The following CCNA2 variants were observed in gnomAD, a reference collection of about 807,000 sequenced individuals.
CCNA2 encodes the protein cyclin A2, also known as cyclin-A2.
Under a neutral mutation model 49.4 loss-of-function variants are expected in CCNA2, and 3 were observed. The observed-to-expected ratio is 0.06, with a 90% confidence interval of 0.03 to 0.16. The LOEUF (loss-of-function observed/expected upper bound fraction) is 0.16. Among genes scored for constraint, CCNA2 ranks in the 10% least tolerant of loss-of-function variants. CCNA2 has a pLI of 1.00. For missense variants in CCNA2, 372 were observed against 519.7 expected, an observed-to-expected ratio of 0.72 and a Z score of 2.76; for synonymous variants, 206 against 197.2, an observed-to-expected ratio of 1.04 and a Z score of -0.37.
Position 121,820,783 on chromosome 4 carries a change from T to C in CCNA2, c.571-18A>G. On this transcript the variant is annotated intron_variant, in intron 3 of 7. Transcript: ENST00000274026. This position sits in a 1 kb window ranked among gnomAD's most constrained non-coding sequence, Gnocchi z 4.1. ...CATTTAACCTATTGAGAAAATTATT[T>C]ATAGTGTTAAAATTATTCTAGTGTA... The C allele has an allele frequency of 6.5e-7, 1 of 1,535,284 alleles. No homozygotes were observed.
At chr4:121,822,345 AAT>A in intron 2 of CCNA2, 56 bp downstream of exon 2, 1 of 1,515,712 alleles carries the variant, frequency 6.6e-7, no homozygotes, top group Non-Finnish European at 9.0e-7. Flanking sequence ...GCAAATCATT[AAT>A]ATCATCTAAT....
At chr4:121,822,690 A>T in intron 1 of CCNA2, 44 bp from the exon 2 acceptor site, 1 of 1,591,870 alleles carries the variant, frequency 6.3e-7, no homozygotes, top group Non-Finnish European at 8.5e-7. Context: ...CTAGTCTTGC[A>T]TTCTTTCTCT....
chr4:121,818,483 T>C (rs575393227), intron 6 of CCNA2, among the ~76,000 whole-genome samples: 78 of 152,278 alleles, frequency 5.1e-4, no homozygotes, highest in African/African-American at 1.8e-3. Flanking sequence ...TCAGTGTACA[T>C]GAGGGATTGG....
chr4:121,822,962 G>A (rs1395686148), intron 1 of CCNA2, among the ~76,000 whole-genome samples: 1 of 152,198 alleles, frequency 6.6e-6, no homozygotes, highest in Admixed American at 6.5e-5. Context: ...GTCGCCCGAG[G>A]GTGGAGCAAC....
chr4:121,819,339 A>C (rs1384436137), intron 5 of CCNA2, 33 bp downstream of exon 5: 2 of 1,530,870 alleles, frequency 1.3e-6, no homozygotes, highest in African/African-American at 2.7e-5. Flanking sequence ...ATTACCAAAG[A>C]ATCACCATTC....
intron 5 of CCNA2, among the ~76,000 whole-genome samples, chr4:121,819,140 T>A (rs1250209587): frequency 6.6e-6 from 1 of 152,228 alleles, no homozygotes; most frequent in Non-Finnish European, 1.5e-5. Context: ...CTCTTCTGAC[T>A]ACCCATCCCC....
chr4:121,816,871 T>TATC lies in CCNA2; in HGVS notation c.*764_*766dup, dbSNP rs773876155. ...CTGCCAATTAAAGCTAACAGTTGTA[T>TATC]ATCTGTATATATAACTATTAAAAGG... On this transcript the variant is annotated 3_prime_UTR_variant, in exon 8 of 8. Transcript: ENST00000274026. 5.8e-6 allele frequency: 9 copies of TATC among 1,544,036 alleles called. No homozygotes were observed. The highest frequency in any genetic ancestry group is 5.6e-5 in the African/African-American group (4 of 71,456).
chr4:121,820,743 C>A lies in CCNA2; in HGVS notation c.593G>T (p.Gly198Val). 3 of 1,611,472 alleles carry A rather than the reference C, an allele frequency of 1.9e-6. No individual in the cohort carries two copies. The highest frequency in any genetic ancestry group is 2.5e-6 in the Non-Finnish European group (3 of 1,177,810). The change falls in exon 4 of 8, where the codon GGT (glycine) becomes GTT (valine). Residue 198 changes from glycine (G) to valine (V), a missense_variant. Coordinates refer to ENST00000274026, the MANE Select transcript of CCNA2 (RefSeq NM_001237.5). This position sits in a 1 kb window ranked among gnomAD's most constrained non-coding sequence, Gnocchi z 4.1. Reference protein sequence around the residue: ...EMEVKCKPKVGYMKKQPDITN... With the variant: ...EMEVKCKPKVVYMKKQPDITN... ...GATGTCTGGCTGTTTCTTCATGTAACCCACTTTAGGTTTACATTTAACCTA... is the reference window on the plus strand; with the variant it reads ...GATGTCTGGCTGTTTCTTCATGTAAACCACTTTAGGTTTACATTTAACCTA...
rs1191405700 is a variant in CCNA2 at position 121,817,664 on chromosome 4, T to C, written c.1273A>G (p.Asn425Asp). Residue 425 changes from asparagine to aspartate, a missense_variant, in exon 8 of 8, where the codon AAC becomes GAC. Physicochemically the swap from Asn to Asp is conservative, Grantham distance 23. Transcript: ENST00000274026. ...NSKYHGVSLL[N>D]PPETLNL ...TACAGATTTAGTGTCTCTGGTGGGT[T>C]GAGGAGAGAAACACCATGATACCTG... is the stretch of plus-strand genomic sequence containing the variant. 1.2e-6 allele frequency: 2 copies of C among 1,613,942 alleles called. No individual in the cohort carries two copies. The highest frequency in any genetic ancestry group is 1.7e-6 in the Non-Finnish European group (2 of 1,179,948).
chr4:121,819,374 T>C lies in CCNA2; in HGVS notation c.1000A>G (p.Met334Val). 2 of 1,610,856 alleles carry C rather than the reference T, an allele frequency of 1.2e-6. No homozygotes were observed. The highest frequency in any genetic ancestry group is 1.1e-5 in the South Asian group (1 of 90,982). Residue 334 changes from methionine to valine, a missense_variant and splice_region_variant, in exon 5 of 8, where the codon ATG (methionine) becomes GTG (valine). This residue lies in a region of CCNA2 where 155 missense variants were observed against 288.1 expected (regional missense o/e 0.54). Transcript: ENST00000274026. Reference protein sequence around the residue: ...PANCKVESLAMFLGELSLIDA... With the variant: ...PANCKVESLAVFLGELSLIDA... ...CAACAAAATGAAAGTTAACTCACCA[T>C]TGCTAAACTTTCAACTTTGCAGTTT...
Position 121,820,910 on chromosome 4 carries a change from T to G in CCNA2, c.570+69A>C. On this transcript the variant is annotated intron_variant, in intron 3 of 7. Coordinates refer to ENST00000274026, the MANE Select transcript of CCNA2 (RefSeq NM_001237.5). This position sits in a 1 kb window ranked among gnomAD's most constrained non-coding sequence, Gnocchi z 4.1. ...TTCATTAGTTTAAAAATTTAAACAT[T>G]ATCCTCTCAATTTCATTTAGCCACA... 1.4e-6 allele frequency: 2 copies of G among 1,415,420 alleles called. No homozygotes were observed. The highest frequency in any genetic ancestry group is 1.8e-4 in the Middle Eastern group (1 of 5,610). The allele number at this position is 1,415,420 out of a possible 1,614,324, so 87.7% of individuals were successfully genotyped here. A position where few individuals can be genotyped will look rare whatever the true frequency, so the allele number is the denominator to read the frequency against.
rs1290730284 is a variant in CCNA2, at chr4:121,817,118, A to G, written c.*520T>C. ...CAAAACCTAAACAAACAGGTTTTAC[A>G]AAGAGCGAAAAAGTCTGGGGAATCT... On this transcript the variant is annotated 3_prime_UTR_variant, in exon 8 of 8. Coordinates refer to ENST00000274026, the MANE Select transcript of CCNA2 (RefSeq NM_001237.5). 5.6e-6 allele frequency: 2 copies of G among 358,662 alleles called. No homozygotes were observed. The highest frequency in any genetic ancestry group is 4.5e-5 in the Admixed American group (1 of 22,374). 22.2% of individuals were successfully genotyped at this position (358,662 alleles called of 1,614,324 possible).
Position 121,823,826 on chromosome 4 carries a change from C to A in CCNA2, c.-198G>T, listed in dbSNP as rs2149043880. 3.0e-6 allele frequency: 3 copies of A among 995,468 alleles called. No individual in the cohort carries two copies. Among genetic ancestry groups the A allele is most frequent in the Non-Finnish European group, 4.2e-6 (3 of 711,820 alleles). The allele number at this position is 995,468 out of a possible 1,614,324, so 61.7% of individuals were successfully genotyped here. ...CCGAGGAGGTTGCGAAAGGCGCAGG[C>A]AGGCACTGCCCAGCGTGGCGAGCCA... On this transcript the variant is annotated 5_prime_UTR_variant, in exon 1 of 8. Transcript: ENST00000274026.
At position 121,823,814 on chromosome 4, in the gene CCNA2, G is replaced by T; in HGVS notation, c.-186C>A. 8.7e-7 allele frequency: 1 copy of T among 1,147,226 alleles called. No homozygotes were observed. Among genetic ancestry groups the T allele is most frequent in the South Asian group, 1.7e-5 (1 of 59,358 alleles). 71.1% of individuals were successfully genotyped at this position (1,147,226 alleles called of 1,614,324 possible). ...GACCACGCAGGGCCGAGGAGGTTGCGAAAGGCGCAGGCAGGCACTGCCCAG... is the reference window on the plus strand; with the variant it reads ...GACCACGCAGGGCCGAGGAGGTTGCTAAAGGCGCAGGCAGGCACTGCCCAG... On this transcript the variant is annotated 5_prime_UTR_variant, in exon 1 of 8. Transcript: ENST00000274026.
chr4:121,823,379 C>T, intron 1 of CCNA2, 37 bp downstream of exon 1: 1 of 1,574,918 alleles, frequency 6.3e-7, no homozygotes, highest in South Asian at 1.2e-5. Flanking sequence ...AAACCCTGCT[C>T]GACCCACCCT....
Position 121,816,928 on chromosome 4 carries a change from T to A in CCNA2, c.*710A>T. Reference sequence around the variant, plus strand: ...TATTCCATTCTGAGAACCCTGGGTATTTTTTATTCACAAATCCATTATAAA... The same window carrying A: ...TATTCCATTCTGAGAACCCTGGGTAATTTTTATTCACAAATCCATTATAAA... On this transcript the variant is annotated 3_prime_UTR_variant, in exon 8 of 8. Transcript: ENST00000274026. 1.5e-6 allele frequency: 2 copies of A among 1,321,698 alleles called. No individual in the cohort carries two copies. The highest frequency in any genetic ancestry group is 2.0e-6 in the Non-Finnish European group (2 of 996,752). The allele number at this position is 1,321,698 out of a possible 1,614,324, so 81.9% of individuals were successfully genotyped here. A position where few individuals can be genotyped will look rare whatever the true frequency, so the allele number is the denominator to read the frequency against.
Position 121,817,018 on chromosome 4 carries a change from A to G in CCNA2, c.*620T>C, listed in dbSNP as rs895475006. The G allele has an allele frequency of 1.4e-6, 1 of 706,740 alleles. No individual in the cohort carries two copies. The highest frequency in any genetic ancestry group is 2.2e-6 in the Non-Finnish European group (1 of 455,962). The allele number at this position is 706,740 out of a possible 1,614,324, so 43.8% of individuals were successfully genotyped here. ...TGCTTTAAAATAATAAACCTTCTGG[A>G]GCATTTCTCGTCTGTTAATTTGCAT... On this transcript the variant is annotated 3_prime_UTR_variant, in exon 8 of 8. Coordinates refer to ENST00000274026, the MANE Select transcript of CCNA2 (RefSeq NM_001237.5).
chr4:121,818,244 T>C, intron 6 of CCNA2, 67 bp from the exon 7 acceptor site: 10 of 1,413,016 alleles, frequency 7.1e-6, no homozygotes, highest in Non-Finnish European at 7.8e-6. Context: ...CAGTAAATAG[T>C]TGGCATTAAG....
At chr4:121,822,676 C>T in intron 1 of CCNA2, 30 bp from the exon 2 acceptor site, 2 of 1,603,722 alleles carry the variant, frequency 1.2e-6, no homozygotes, top group Non-Finnish European at 8.5e-7. Context: ...TGGCTTTGAG[C>T]CTACTAGTCT....
Sources: allele counts gnomAD v4.1 joint callset (sites outside exome capture counted in the v4.1 genomes callset), GRCh38; gene constraint gnomAD v4.1.1; regional missense constraint gnomAD v4.1.1; non-coding constraint Gnocchi (gnomAD v3.1); transcripts MANE v1.5; gene names NCBI Gene and HGNC (gene_info 2026-07-23, HGNC 2026-07-21).